ETV6: variants seen among roughly 807,000 people sequenced by gnomAD.
ETV6 encodes the protein transcription factor ETV6.
A neutral mutation model predicts 51.1 loss-of-function variants in ETV6; 16 were observed. The ratio of observed to expected loss-of-function variants is 0.31; its 90% CI spans 0.21 to 0.48. The LOEUF is 0.48. Ranked by LOEUF, ETV6 falls within the 20% of genes least tolerant of loss-of-function variation. The probability of loss-of-function intolerance (pLI) is 0.99; values close to 1 mark genes in which losing one functional copy is unlikely to be tolerated. For synonymous variants in ETV6, 240 were observed against 224.1 expected (o/e 1.07, Z -0.64); for missense variants, 458 against 594.8 (o/e 0.77, Z 2.39).
intron 1 of ETV6, among the ~76,000 whole-genome samples, chr12:11,735,714 T>C (rs1262974628): frequency 1.3e-5 from 2 of 152,208 alleles, no homozygotes; most frequent in African/African-American, 2.4e-5. Context: ...GATTCTCGTC[T>C]CAGCCTCTTG....
At chr12:11,877,367 G>A (rs940554068) in intron 5 of ETV6, among the ~76,000 whole-genome samples, 8 of 151,100 alleles carry the variant, frequency 5.3e-5, no homozygotes, top group Non-Finnish European at 1.0e-4. Flanking sequence ...AAAAGACCTC[G>A]TAAAAGAGAA....
chr12:11,807,735 A>G (rs1208799363), intron 2 of ETV6, among the ~76,000 whole-genome samples: 1 of 152,218 alleles, frequency 6.6e-6, no homozygotes, highest in Non-Finnish European at 1.5e-5. Context: ...CTTTTCAATG[A>G]AACAGGATGC....
intron 3 of ETV6, among the ~76,000 whole-genome samples, chr12:11,848,621 C>T (rs559796807): frequency 7.2e-5 from 11 of 152,296 alleles, no homozygotes; most frequent in South Asian, 2.1e-4. Flanking sequence ...CGTGTGTGTG[C>T]GCACGCGCGT....
intron 1 of ETV6, among the ~76,000 whole-genome samples, chr12:11,744,316 A>C (rs1017136152): frequency 1.3e-5 from 2 of 152,226 alleles, no homozygotes; most frequent in African/African-American, 2.4e-5. Context: ...AGGAGAAAGC[A>C]GCTAATAAAG....
rs979701713 is a variant in ETV6, at chr12:11,869,263, C to T, written c.464-161C>T. 4.6e-5 allele frequency among the ~76,000 whole-genome samples: 7 copies of T among 151,908 alleles called. No individual in the cohort carries two copies. Among genetic ancestry groups the T allele is most frequent in the African/African-American group, 1.5e-4 (6 of 41,356 alleles). ...ACAGAAAAAAAAAAAAAATATGCAC[C>T]CTTCAAATTGTTAAGCAGTGAAAAA... On this transcript the variant is annotated intron_variant, in intron 4 of 7. Transcript: ENST00000396373. The surrounding 1 kb of genome is among the most constrained non-coding windows in gnomAD (Gnocchi z 5.0).
chr12:11,884,322 A>G, intron 5 of ETV6, 123 bp from the exon 6 acceptor site: 1 of 1,058,484 alleles, frequency 9.4e-7, no homozygotes, highest in Non-Finnish European at 1.4e-6. Context: ...CAAGGAAGTT[A>G]GTTAGACAAT....
At chr12:11,702,921 C>T (rs1048940442) in intron 1 of ETV6, among the ~76,000 whole-genome samples, 3 of 152,206 alleles carry the variant, frequency 2.0e-5, no homozygotes, top group Non-Finnish European at 4.4e-5. Flanking sequence ...GCCTGGGCAA[C>T]ATGGCAAAAC....
intron 2 of ETV6, among the ~76,000 whole-genome samples, chr12:11,820,615 T>G (rs1272547102): frequency 2.0e-5 from 3 of 151,972 alleles, no homozygotes; most frequent in Non-Finnish European, 2.9e-5. Flanking sequence ...TGGGAATAGT[T>G]CCTGGTAGGT....
intron 5 of ETV6, among the ~76,000 whole-genome samples, chr12:11,875,921 C>G (rs1170684330): frequency 6.6e-6 from 1 of 152,182 alleles, no homozygotes. Flanking sequence ...GCATGGCCAG[C>G]AACACCTAAA....
intron 4 of ETV6, among the ~76,000 whole-genome samples, chr12:11,868,648 T>C (rs79188148): frequency 0.012 from 1,772 of 151,800 alleles, 38 homozygotes; most frequent in African/African-American, 0.04. Context: ...ATCTAAGATA[T>C]AGTTATTACT....
At chr12:11,874,700 A>ATGTATATATGTATATGTG (rs1565562911) in intron 5 of ETV6, among the ~76,000 whole-genome samples, 99 of 141,444 alleles carry the variant, frequency 7.0e-4, no homozygotes, top group African/African-American at 2.7e-3. Context: ...GTGTGTATAT[A>ATGTATATATGTATATGTG]TGTATATATG....
At chr12:11,700,722 G>A (rs1349944936) in intron 1 of ETV6, among the ~76,000 whole-genome samples, 1 of 152,160 alleles carries the variant, frequency 6.6e-6, no homozygotes. Flanking sequence ...CATCATAAAG[G>A]TCTTCATCTT....
chr12:11,670,100 C>A (rs1435353087), intron 1 of ETV6, among the ~76,000 whole-genome samples: 1 of 150,948 alleles, frequency 6.6e-6, no homozygotes, highest in Non-Finnish European at 1.5e-5. Flanking sequence ...TTAAAATTTT[C>A]TTGTTCTTCG....
chr12:11,675,148 C>T (rs1302998033), intron 1 of ETV6, among the ~76,000 whole-genome samples: 1 of 152,186 alleles, frequency 6.6e-6, no homozygotes, highest in Non-Finnish European at 1.5e-5. Flanking sequence ...GGAGTGAGAA[C>T]ACCAGGATGT....
At position 11,889,816 on chromosome 12, in the gene ETV6, G is replaced by A. The variant is rs117034543; in HGVS notation, c.1254-1125G>A. Among the ~76,000 whole-genome samples, 134 of 152,324 alleles carry A rather than the reference G, an allele frequency of 8.8e-4. 4 individuals are homozygous for A. The East Asian group carries it at 0.021, about 24-fold the overall frequency. ...GAGTGGTCATTTTAGGCTTTTGCAT[G>A]TGGAGGAATGAGAGAAAATGTAAGC... is the stretch of plus-strand genomic sequence containing the variant. On this transcript the variant is annotated intron_variant, in intron 7 of 7. Coordinates refer to ENST00000396373, the MANE Select transcript of ETV6 (RefSeq NM_001987.5).
chr12:11,828,771 T>C (rs1946199149), intron 2 of ETV6, among the ~76,000 whole-genome samples: 1 of 152,200 alleles, frequency 6.6e-6, no homozygotes, highest in African/African-American at 2.4e-5. Context: ...CCACTCCCTT[T>C]TTGCTGTCCC....
intron 1 of ETV6, among the ~76,000 whole-genome samples, chr12:11,730,110 A>G (rs1042209495): frequency 1.3e-5 from 2 of 152,188 alleles, no homozygotes; most frequent in Non-Finnish European, 1.5e-5. Context: ...TAAAGAGGCC[A>G]GCAGTAATGA....
At chr12:11,714,501 A>G (rs1865233460) in intron 1 of ETV6, among the ~76,000 whole-genome samples, 1 of 152,150 alleles carries the variant, frequency 6.6e-6, no homozygotes. Context: ...AATTAAGTAA[A>G]TAATTCAGTA....
chr12:11,872,235 TA>T (rs1232921940), intron 5 of ETV6, among the ~76,000 whole-genome samples: 1 of 152,172 alleles, frequency 6.6e-6, no homozygotes, highest in Non-Finnish European at 1.5e-5. Flanking sequence ...CAAGGTCAGA[TA>T]GGGGCCCCAT....
Sources: allele counts gnomAD v4.1 joint callset (sites outside exome capture counted in the v4.1 genomes callset), GRCh38; gene constraint gnomAD v4.1.1; non-coding constraint Gnocchi (gnomAD v3.1); transcripts MANE v1.5; gene names NCBI Gene and HGNC (gene_info 2026-07-23, HGNC 2026-07-21).